Variants in GPSM1 observed in about 807,000 individuals in gnomAD.
GPSM1 encodes the protein G protein-signaling modulator 1.
Under a neutral mutation model 70.5 loss-of-function variants are expected in GPSM1, and 48 were observed. The ratio of observed to expected loss-of-function variants is 0.68; its 90% CI spans 0.54 to 0.87. GPSM1 has a LOEUF of 0.87. GPSM1 is among the 40% of genes least tolerant of loss of function. The pLI is 0.00. For synonymous variants in GPSM1, 416 were observed against 430.1 expected, an observed-to-expected ratio of 0.97 and a Z score of 0.41; for missense variants, 981 against 972.6, an observed-to-expected ratio of 1.01 and a Z score of -0.11.
At position 136,334,540 on chromosome 9, in the gene GPSM1, T is replaced by C; in HGVS notation, c.162T>C (p.Ala54=). The change falls in exon 2 of 14, where the codon GCT becomes GCC. Residue 54 remains alanine, a synonymous_variant. Coordinates refer to ENST00000440944, the MANE Select transcript of GPSM1 (RefSeq NM_001145638.3). ...FKTGVAFFEA[A]VQVGTEDLKT... is the part of the protein sequence containing the mutation. ...CAGGCGTGGCCTTCTTTGAGGCTGC[T>C]GTGCAGGTGGGCACCGAGGACCTGA... The C allele has an allele frequency of 6.2e-7, 1 of 1,613,372 alleles. No individual in the cohort carries two copies. The highest frequency in any genetic ancestry group is 1.1e-5 in the South Asian group (1 of 91,088).
At position 136,358,308 on chromosome 9, in the gene GPSM1, C is replaced by T. The variant is rs549254673; in HGVS notation, c.*88C>T. 3.1e-5 allele frequency: 38 copies of T among 1,208,836 alleles called. No individual in the cohort carries two copies. The highest frequency in any genetic ancestry group is 1.4e-4 in the Admixed American group (6 of 44,142). 74.9% of individuals were successfully genotyped at this position (1,208,836 alleles called of 1,614,324 possible). A position where few individuals can be genotyped will look rare whatever the true frequency, so the allele number is the denominator to read the frequency against. ...AGCCACGTCCTCCCGAGGCCATTGC[C>T]GAGGACAGGCACTGGGCATGCAGCC... On this transcript the variant is annotated 3_prime_UTR_variant, in exon 14 of 14. Transcript: ENST00000440944.
rs553853647 is a variant in GPSM1 at position 136,349,157 on chromosome 9, C to T, written c.1278+390C>T. 1.5e-4 allele frequency among the ~76,000 whole-genome samples: 23 copies of T among 152,404 alleles called. No individual in the cohort carries two copies. The East Asian group carries it at 4.2e-3, about 28-fold the overall frequency. On this transcript the variant is annotated intron_variant, in intron 10 of 13. Transcript: ENST00000440944. ...CTGGGGTTCAGCAGACCCACACAGA[C>T]AGATTCGGGGGCTGCCTGGCGTAGG...
At chr9:136,335,770 A>AT (rs1554769107) in intron 2 of GPSM1, among the ~76,000 whole-genome samples, 196 bp from the exon 3 acceptor site, 2 of 152,136 alleles carry the variant, frequency 1.3e-5, no homozygotes, top group African/African-American at 4.8e-5. Flanking sequence ...AGCAGAGCCC[A>AT]TACCCAGGGC....
intron 1 of GPSM1, among the ~76,000 whole-genome samples, chr9:136,328,733 ACACAGCCC>A (rs1471749828): frequency 6.6e-6 from 1 of 152,108 alleles, no homozygotes; most frequent in Non-Finnish European, 1.5e-5. Flanking sequence ...TTGGTCCCAG[ACACAGCCC>A]CATTGTGCCG....
chr9:136,337,833 T>C lies in GPSM1; in HGVS notation c.703-13T>C. On this transcript the variant is annotated splice_polypyrimidine_tract_variant and intron_variant, in intron 5 of 13. Transcript: ENST00000440944. ...TGCGCCATGACCACCTGGCCTCCGG[T>C]GTGTCTCCGCAGCGCCTGGCCATTG... 1.3e-6 allele frequency: 2 copies of C among 1,590,648 alleles called. No individual in the cohort carries two copies. The highest frequency in any genetic ancestry group is 2.2e-5 in the East Asian group (1 of 44,740).
chr9:136,328,447 G>A (rs781834441), intron 1 of GPSM1, among the ~76,000 whole-genome samples: 2 of 152,220 alleles, frequency 1.3e-5, no homozygotes, highest in Non-Finnish European at 2.9e-5. Flanking sequence ...CCACACGAGC[G>A]TGAGGTCCAG....
At chr9:136,352,223 A>AACCAGCCCCTGCCCCT in intron 11 of GPSM1, among the ~76,000 whole-genome samples, 1 of 54,184 alleles carries the variant, frequency 1.8e-5, no homozygotes, top group African/African-American at 7.7e-5. Flanking sequence ...TGTTGGTGAC[A>AACCAGCCCCTGCCCCT]CCGATGCTGC....
At chr9:136,354,491 C>T (rs1371584741) in intron 11 of GPSM1, among the ~76,000 whole-genome samples, 6 of 152,252 alleles carry the variant, frequency 3.9e-5, no homozygotes, top group African/African-American at 7.2e-5. Context: ...CTTGTTAACT[C>T]GTTCAGCTGT....
chr9:136,334,359 G>T, intron 1 of GPSM1, 88 bp from the exon 2 acceptor site: 1 of 869,578 alleles, frequency 1.1e-6, no homozygotes, highest in South Asian at 1.5e-5. Flanking sequence ...CCACCCAGGG[G>T]CGTCGTCTGT....
At chr9:136,336,778 CT>C in intron 3 of GPSM1, 142 bp from the exon 4 acceptor site, 1 of 797,134 alleles carries the variant, frequency 1.3e-6, no homozygotes, top group African/African-American at 1.7e-5. Flanking sequence ...GCTTCCGCCC[CT>C]GCCTTAGTGT....
Position 136,343,271 on chromosome 9 carries a change from C to T in GPSM1, c.1207+2278C>T, listed in dbSNP as rs1440989846. ...CTCCTGGGCTGCCCACCCCCCACCC[C>T]AGCAAGGGTGCCAGGCAGGACGGAG... On this transcript the variant is annotated intron_variant, in intron 9 of 13. Transcript: ENST00000440944. This position sits in a 1 kb window ranked among gnomAD's most constrained non-coding sequence, Gnocchi z 6.0. Among the ~76,000 whole-genome samples the T allele has an allele frequency of 6.6e-6, 1 of 152,024 alleles. No individual in the cohort carries two copies. The highest frequency in any genetic ancestry group is 1.5e-5 in the Non-Finnish European group (1 of 67,936).
rs1832357887 is a variant in GPSM1 at position 136,340,433 on chromosome 9, C to T, written c.1084-437C>T. Among the ~76,000 whole-genome samples, 1 of 151,890 alleles carries T rather than the reference C, an allele frequency of 6.6e-6. No homozygotes were observed. The highest frequency in any genetic ancestry group is 1.5e-5 in the Non-Finnish European group (1 of 67,964). On this transcript the variant is annotated intron_variant, in intron 8 of 13. Transcript: ENST00000440944. The surrounding 1 kb of genome is among the most constrained non-coding windows in gnomAD (Gnocchi z 7.3). The stretch of plus-strand genomic sequence containing the variant: ...GCCTTCCAGGGCTCCATGTGGCCCT[C>T]CCCCCAACCCCATGCCACCTCTCTT...
intron 1 of GPSM1, among the ~76,000 whole-genome samples, chr9:136,330,917 A>G (rs1012722095): frequency 6.6e-6 from 1 of 152,168 alleles, no homozygotes; most frequent in Non-Finnish European, 1.5e-5. Context: ...GCTGTCCTGA[A>G]GGTGGACAAA....
chr9:136,337,031 C>T lies in GPSM1; in HGVS notation c.537C>T (p.Pro179=), dbSNP rs782658255. 1.2e-5 allele frequency: 19 copies of T among 1,551,910 alleles called. No homozygotes were observed. Among genetic ancestry groups the T allele is most frequent in the Admixed American group, 9.8e-5 (5 of 51,142 alleles). The change falls in exon 4 of 14, where the codon CCC becomes CCT. Residue 179 remains proline (P), a synonymous_variant. Transcript: ENST00000440944. ...NATQDPGHLP[P]DVRETLCKAS... is the part of the protein sequence containing the mutation. ...CGCAGGACCCCGGGCACCTGCCGCC[C>T]GATGTCCGAGAGACCCTGTGCAAGG...
intron 11 of GPSM1, among the ~76,000 whole-genome samples, chr9:136,349,993 C>T (rs1416424257): frequency 3.9e-5 from 6 of 152,230 alleles, no homozygotes; most frequent in Admixed American, 6.5e-5. Flanking sequence ...CCCCGGCCAC[C>T]GAGGAGCCTC....
rs1832921315 is a variant in GPSM1, at chr9:136,358,924, C to G, written c.*704C>G. Reference sequence around the variant, plus strand: ...AACTTCGACATTCCAAAACCCCAAGCCAGGAAAAAGGGCAGGGCCTGGTCC... The same window carrying G: ...AACTTCGACATTCCAAAACCCCAAGGCAGGAAAAAGGGCAGGGCCTGGTCC... On this transcript the variant is annotated 3_prime_UTR_variant, in exon 14 of 14. Transcript: ENST00000440944. The G allele has an allele frequency of 6.6e-6, 1 of 152,478 alleles. No homozygotes were observed. The highest frequency in any genetic ancestry group is 1.5e-5 in the Non-Finnish European group (1 of 68,182). 9.4% of individuals were successfully genotyped at this position (152,478 alleles called of 1,614,324 possible).
At chr9:136,336,446 C>T (rs782480332) in intron 3 of GPSM1, among the ~76,000 whole-genome samples, 36 of 152,278 alleles carry the variant, frequency 2.4e-4, no homozygotes, top group Non-Finnish European at 4.4e-4. Context: ...AGTGGGAGGC[C>T]GATTTCAATG....
At chr9:136,328,289 A>G (rs1832025563) in intron 1 of GPSM1, among the ~76,000 whole-genome samples, 1 of 152,126 alleles carries the variant, frequency 6.6e-6, no homozygotes, top group Non-Finnish European at 1.5e-5. Context: ...TCTGTGCCCC[A>G]CGCCTTTGGG....
At chr9:136,349,167 G>A (rs1832596464) in intron 10 of GPSM1, among the ~76,000 whole-genome samples, 1 of 152,274 alleles carries the variant, frequency 6.6e-6, no homozygotes. Context: ...CAGATTCGGG[G>A]GCTGCCTGGC....
Sources: gnomAD v4.1 joint callset for allele counts (sites outside exome capture counted in the v4.1 genomes callset) on GRCh38, gnomAD v4.1.1 for gene constraint, Gnocchi (gnomAD v3.1) non-coding constraint, MANE v1.5 for transcripts, NCBI Gene and HGNC (gene_info 2026-07-23, HGNC 2026-07-21) for gene names.